PHF14: variants seen among roughly 807,000 people sequenced by gnomAD.
The protein encoded by PHF14 is PHD finger protein 14.
A neutral mutation model predicts 117.9 loss-of-function variants in PHF14; 55 were observed. That is an observed-to-expected ratio of 0.47 (90% CI 0.38 to 0.58). The LOEUF is 0.58. Ranked by LOEUF, PHF14 falls within the 20% of genes least tolerant of loss-of-function variation. The pLI, the probability that PHF14 is intolerant of heterozygous loss-of-function variation, is 0.00. For synonymous variants in PHF14, 409 were observed against 368.6 expected, an observed-to-expected ratio of 1.11 and a Z score of -1.26; for missense variants, 978 against 1,122.2, an observed-to-expected ratio of 0.87 and a Z score of 1.84.
chr7:10,991,412 G>A (rs543428555), intron 4 of PHF14, among the ~76,000 whole-genome samples: 5 of 151,936 alleles, frequency 3.3e-5, no homozygotes, highest in South Asian at 4.2e-4. Flanking sequence ...TCCTGACCTC[G>A]TGATCCACCC....
intron 17 of PHF14, among the ~76,000 whole-genome samples, chr7:11,152,271 A>T (rs1053019131): frequency 6.6e-6 from 1 of 152,122 alleles, no homozygotes; most frequent in African/African-American, 2.4e-5. Flanking sequence ...TTGAAAAGGG[A>T]ATACTTTTTA....
At chr7:11,068,983 T>C (rs181523274) in intron 16 of PHF14, among the ~76,000 whole-genome samples, 1 of 152,334 alleles carries the variant, frequency 6.6e-6, no homozygotes, top group East Asian at 1.9e-4. Flanking sequence ...TTGATGCTAT[T>C]GTATAGGTTA....
chr7:11,161,921 T>C (rs926051223), intron 17 of PHF14, among the ~76,000 whole-genome samples: 6 of 150,700 alleles, frequency 4.0e-5, no homozygotes, highest in African/African-American at 1.5e-4. Flanking sequence ...ATATTAGTAG[T>C]TTACTACCTG....
chr7:11,152,058 C>G (rs145036922), intron 17 of PHF14, among the ~76,000 whole-genome samples: 1 of 152,220 alleles, frequency 6.6e-6, no homozygotes, highest in East Asian at 1.9e-4. Context: ...CATAAATAAT[C>G]TTCAGGTAGC....
chr7:10,976,929 G>A (rs1165057007), intron 2 of PHF14, among the ~76,000 whole-genome samples: 1 of 150,490 alleles, frequency 6.6e-6, no homozygotes, highest in Non-Finnish European at 1.5e-5. Flanking sequence ...TGTATGTATA[G>A]TTCTTGGTAT....
intron 4 of PHF14, among the ~76,000 whole-genome samples, chr7:11,004,028 G>T (rs753584695): frequency 6.6e-6 from 1 of 151,872 alleles, no homozygotes; most frequent in Non-Finnish European, 1.5e-5. Context: ...TGGGTGGATC[G>T]CTTGAGCTCA....
chr7:11,091,226 G>T (rs1029597978), intron 16 of PHF14, among the ~76,000 whole-genome samples: 2 of 152,110 alleles, frequency 1.3e-5, no homozygotes, highest in African/African-American at 2.4e-5. Flanking sequence ...TCATACTAGG[G>T]TTGTAGCAGA....
intron 17 of PHF14, among the ~76,000 whole-genome samples, chr7:11,140,105 C>T (rs1482280514): frequency 2.6e-5 from 4 of 152,088 alleles, no homozygotes; most frequent in African/African-American, 4.8e-5. Flanking sequence ...CATTTCTATA[C>T]ATGACTACAC....
chr7:10,994,736 C>T (rs959009060), intron 4 of PHF14, among the ~76,000 whole-genome samples: 6 of 152,010 alleles, frequency 3.9e-5, no homozygotes, highest in East Asian at 3.9e-4. Flanking sequence ...CGGATGTGTT[C>T]GGAGTTTCTT....
At chr7:11,035,810 G>A (rs771069110) in intron 8 of PHF14, 24 bp downstream of exon 8, 16 of 1,549,304 alleles carry the variant, frequency 1.0e-5, no homozygotes, top group South Asian at 3.7e-5. Flanking sequence ...GTCAAAACCC[G>A]TATGTTTTTG....
intron 12 of PHF14, among the ~76,000 whole-genome samples, chr7:11,041,346 A>G (rs1346118732): frequency 6.6e-6 from 1 of 151,898 alleles, no homozygotes; most frequent in Admixed American, 6.6e-5. Context: ...ACTTCTTTCC[A>G]TAAATAAATA....
intron 17 of PHF14, among the ~76,000 whole-genome samples, chr7:11,113,462 G>T (rs1454769390): frequency 6.6e-6 from 1 of 152,028 alleles, no homozygotes; most frequent in African/African-American, 2.4e-5. Flanking sequence ...TTGACCTGTG[G>T]TTGAATACCA....
intron 13 of PHF14, among the ~76,000 whole-genome samples, chr7:11,046,334 C>G (rs951234524): frequency 1.3e-5 from 2 of 152,154 alleles, no homozygotes; most frequent in African/African-American, 4.8e-5. Context: ...TCTGCCTCCA[C>G]TCATCTGATT....
chr7:11,047,534 G>A (rs1254695345), intron 13 of PHF14, among the ~76,000 whole-genome samples: 2 of 151,326 alleles, frequency 1.3e-5, no homozygotes, highest in Non-Finnish European at 2.9e-5. Flanking sequence ...AGTGGCTCAT[G>A]TCTGTAATCC....
chr7:11,028,461 C>G (rs907000277), intron 6 of PHF14, among the ~76,000 whole-genome samples: 65 of 152,230 alleles, frequency 4.3e-4, no homozygotes, highest in African/African-American at 1.5e-3. Flanking sequence ...TATTTATTAT[C>G]ATTAAATTAG....
chr7:11,025,796 A>G (rs1018237271), intron 6 of PHF14, among the ~76,000 whole-genome samples: 8 of 151,620 alleles, frequency 5.3e-5, no homozygotes, highest in African/African-American at 1.9e-4. Context: ...CTCCGTCTCA[A>G]AAAAAAAGAA....
chr7:11,136,732 A>G (rs1188857452), intron 17 of PHF14, among the ~76,000 whole-genome samples: 1 of 152,208 alleles, frequency 6.6e-6, no homozygotes, highest in Non-Finnish European at 1.5e-5. Context: ...ACAGATGTAT[A>G]TAAACATAAG....
chr7:11,142,596 G>A (rs887548297), intron 17 of PHF14, among the ~76,000 whole-genome samples: 4 of 151,838 alleles, frequency 2.6e-5, no homozygotes, highest in Non-Finnish European at 5.9e-5. Context: ...AAGTAAAAAA[G>A]CAGTATTTTA....
At chr7:11,102,809 GA>G in intron 16 of PHF14, 1 of 1,297,434 alleles carries the variant, frequency 7.7e-7, no homozygotes, top group Admixed American at 3.3e-5. Context: ...GTGCATTGTT[GA>G]AAAATACTGG....
Sources: gnomAD v4.1 joint callset for allele counts (sites outside exome capture counted in the v4.1 genomes callset) on GRCh38, gnomAD v4.1.1 for gene constraint, MANE v1.5 for transcripts, NCBI Gene and HGNC (gene_info 2026-07-23, HGNC 2026-07-21) for gene names.